Variants in EYA1 observed in about 807,000 individuals in gnomAD.
EYA1 encodes EYA transcriptional coactivator and phosphatase 1, also known as protein phosphatase EYA1.
A neutral mutation model predicts 82.0 loss-of-function variants in EYA1; 16 were observed. The ratio of observed to expected loss-of-function variants is 0.20; its 90% CI spans 0.13 to 0.30. The LOEUF (loss-of-function observed/expected upper bound fraction) is 0.30. Among genes scored for constraint, EYA1 ranks in the 10% least tolerant of loss-of-function variants. EYA1 has a pLI of 1.00. For missense variants in EYA1, 633 were observed against 730.7 expected, an observed-to-expected ratio of 0.87 and a Z score of 1.54; for synonymous variants, 261 against 264.4, an observed-to-expected ratio of 0.99 and a Z score of 0.12.
At chr8:71,529,184 T>A (rs932520487) in intron 2 of EYA1, among the ~76,000 whole-genome samples, 2 of 152,182 alleles carry the variant, frequency 1.3e-5, no homozygotes, top group African/African-American at 4.8e-5. Flanking sequence ...AAGTCAAGGT[T>A]CTCTTCACTA....
At position 71,281,042 on chromosome 8, in the gene EYA1, C is replaced by T. The variant is rs543252618; in HGVS notation, c.827-9145G>A. Among the ~76,000 whole-genome samples, 6 of 152,278 alleles carry T rather than the reference C, an allele frequency of 3.9e-5. No individual in the cohort carries two copies. The South Asian group carries it at 1.0e-3, about 26-fold the overall frequency. On this transcript the variant is annotated intron_variant, in intron 9 of 17. Coordinates refer to ENST00000340726, the MANE Select transcript of EYA1 (RefSeq NM_000503.6). ...GAAGTGCTGGGATTATAGGCATGAGCCACCATGCCCAGTGAAAAACTCCAT... is the reference window on the plus strand; with the variant it reads ...GAAGTGCTGGGATTATAGGCATGAGTCACCATGCCCAGTGAAAAACTCCAT...
intron 2 of EYA1, among the ~76,000 whole-genome samples, chr8:71,532,834 T>G (rs1214126614): frequency 6.6e-6 from 1 of 152,192 alleles, no homozygotes; most frequent in African/African-American, 2.4e-5. Flanking sequence ...TGGATTTTAC[T>G]TCTCTCATTT....
Position 71,520,344 on chromosome 8 carries a change from G to C in EYA1, c.33+15400C>G, listed in dbSNP as rs530447031. On this transcript the variant is annotated intron_variant, in intron 2 of 18. Transcript: ENST00000643681. ...TTAGGAGGCTTATCCTTAAGGAAGA[G>C]AAGTCCAGAGCCAAAACTAACAAAC... Among the ~76,000 whole-genome samples the C allele has an allele frequency of 1.4e-3, 218 of 152,256 alleles. 1 individual carries two copies. Among genetic ancestry groups the C allele is most frequent in the African/African-American group, 4.9e-3 (205 of 41,558 alleles).
chr8:71,390,365 T>G (rs1323031207), intron 2 of EYA1, among the ~76,000 whole-genome samples: 1 of 151,856 alleles, frequency 6.6e-6, no homozygotes, highest in African/African-American at 2.4e-5. Context: ...TGGCCTCAAG[T>G]GATCCTTCTG....
At chr8:71,396,980 G>T (rs972657456) in intron 2 of EYA1, among the ~76,000 whole-genome samples, 6 of 152,172 alleles carry the variant, frequency 3.9e-5, no homozygotes, top group African/African-American at 1.4e-4. Context: ...TCCTGTATTG[G>T]ATGCATATAT....
chr8:71,393,760 G>A (rs147455228), intron 2 of EYA1, among the ~76,000 whole-genome samples: 2,005 of 152,292 alleles, frequency 0.013, 44 homozygotes, highest in African/African-American at 0.045. Flanking sequence ...ACATACGTGT[G>A]CATGTGTCTT....
At chr8:71,547,628 C>A (rs926310113) in intron 1 of EYA1, 1 of 151,868 alleles carries the variant, frequency 6.6e-6, no homozygotes, top group Non-Finnish European at 1.5e-5. Flanking sequence ...TCGCCGCCCT[C>A]CTGCCCCGGG....
Position 71,437,193 on chromosome 8 carries a change from T to C in EYA1, c.34-80682A>G, listed in dbSNP as rs1045324707. On this transcript the variant is annotated intron_variant, in intron 2 of 18. Transcript: ENST00000643681. Reference sequence around the variant, plus strand: ...AAGCCACCAAATTTTTGATTTTTTGTCCATTAGTTTGAAGAAAAGCTGTTA... The same window carrying C: ...AAGCCACCAAATTTTTGATTTTTTGCCCATTAGTTTGAAGAAAAGCTGTTA... 2.1e-4 allele frequency among the ~76,000 whole-genome samples: 32 copies of C among 151,678 alleles called. 1 individual carries two copies. The highest frequency in any genetic ancestry group is 7.7e-4 in the African/African-American group (32 of 41,384).
intron 2 of EYA1, among the ~76,000 whole-genome samples, chr8:71,447,486 C>A (rs1475174288): frequency 6.6e-6 from 1 of 152,136 alleles, no homozygotes; most frequent in Non-Finnish European, 1.5e-5. Context: ...GTTGTTTGCA[C>A]CTCTAAACTT....
chr8:71,278,573 C>A (rs1817464745), intron 9 of EYA1, among the ~76,000 whole-genome samples: 2 of 152,164 alleles, frequency 1.3e-5, no homozygotes, highest in Non-Finnish European at 2.9e-5. Flanking sequence ...GTGAACAGTC[C>A]AAATCCTTTG....
intron 2 of EYA1, among the ~76,000 whole-genome samples, chr8:71,395,006 ACAT>A (rs757388344): frequency 1.3e-5 from 2 of 152,122 alleles, no homozygotes; most frequent in Non-Finnish European, 2.9e-5. Flanking sequence ...GAGGTCCTTC[ACAT>A]CCCTTGTAAG....
chr8:71,254,908 A>C (rs1297303860), intron 11 of EYA1, among the ~76,000 whole-genome samples: 1 of 147,114 alleles, frequency 6.8e-6, no homozygotes, highest in Non-Finnish European at 1.5e-5. Flanking sequence ...TTGCAGGATG[A>C]AAAAACAACA....
At chr8:71,542,669 T>C (rs1467260904) in intron 1 of EYA1, among the ~76,000 whole-genome samples, 4 of 152,212 alleles carry the variant, frequency 2.6e-5, no homozygotes, top group African/African-American at 9.6e-5. Context: ...AACTCATTTA[T>C]ATTCCCACCT....
At chr8:71,305,775 C>A (rs1422591877) in intron 7 of EYA1, among the ~76,000 whole-genome samples, 4 of 152,032 alleles carry the variant, frequency 2.6e-5, no homozygotes, top group Non-Finnish European at 5.9e-5. Flanking sequence ...TTTCCCTTCA[C>A]AACATCTCTT....
chr8:71,500,088 A>G (rs1811706961), intron 2 of EYA1, among the ~76,000 whole-genome samples: 1 of 152,178 alleles, frequency 6.6e-6, no homozygotes, highest in Non-Finnish European at 1.5e-5. Context: ...TGTGCTCTCC[A>G]TGTCCTGTGT....
In EYA1 at chr8:71,237,058, CT is replaced by C. The variant is rs796067166; in HGVS notation, c.1140+7544del. On this transcript the variant is annotated intron_variant, in intron 12 of 17. Transcript: ENST00000340726. ...GGCTGTTTGACTTGACATTTCTTTT[CT>C]TTTTTTTTTTTGAGATGGAGTCTCA... Among the ~76,000 whole-genome samples the C allele has an allele frequency of 1.2e-3, 175 of 144,390 alleles. 1 individual carries two copies. Among genetic ancestry groups the C allele is most frequent in the African/African-American group, 1.5e-3 (60 of 39,724 alleles). 94.7% of individuals were successfully genotyped at this position (144,390 alleles called of 152,430 possible).
At chr8:71,251,425 C>T (rs1333056226) in intron 11 of EYA1, among the ~76,000 whole-genome samples, 5 of 152,176 alleles carry the variant, frequency 3.3e-5, no homozygotes, top group African/African-American at 1.2e-4. Context: ...TAACTTCACA[C>T]CCACACACAG....
At chr8:71,474,600 T>C (rs1215420935) in intron 2 of EYA1, among the ~76,000 whole-genome samples, 3 of 152,200 alleles carry the variant, frequency 2.0e-5, no homozygotes, top group Non-Finnish European at 4.4e-5. Flanking sequence ...TGTTAAATAA[T>C]GACATCATAT....
intron 2 of EYA1, among the ~76,000 whole-genome samples, chr8:71,425,915 C>T (rs1805195363): frequency 6.6e-6 from 1 of 152,208 alleles, no homozygotes; most frequent in South Asian, 2.1e-4. Context: ...TGCATCTCCA[C>T]TCCGGATGTC....
Sources: allele counts gnomAD v4.1 joint callset (sites outside exome capture counted in the v4.1 genomes callset), GRCh38; gene constraint gnomAD v4.1.1; transcripts MANE v1.5; gene names NCBI Gene and HGNC (gene_info 2026-07-23, HGNC 2026-07-21).